ASAP1: variants seen among roughly 807,000 people sequenced by gnomAD.
ASAP1 encodes ArfGAP with SH3 domain, ankyrin repeat and PH domain 1, also known as arf-GAP with SH3 domain, ANK repeat and PH domain-containing protein 1.
In ASAP1, 43 loss-of-function variants were observed where a neutral mutation model predicts 145.2. The observed-to-expected ratio is 0.30, with a 90% CI of 0.23 to 0.38. The LOEUF (loss-of-function observed/expected upper bound fraction) is 0.38, where lower values mean the gene tolerates loss of function less well. ASAP1 is among the 10% of genes least tolerant of loss of function. The pLI is 1.00. For synonymous variants in ASAP1, 546 were observed against 515.5 expected (o/e 1.06, Z -0.80); for missense variants, 1,018 against 1,355.3 (o/e 0.75, Z 3.91).
chr8:130,069,706 C>T (rs1210591804), intron 27 of ASAP1: 1 of 152,220 alleles, frequency 6.6e-6, no homozygotes, highest in Non-Finnish European at 1.5e-5. Context: ...AACCCCTCCG[C>T]TCTCCCAACA....
At chr8:130,179,002 G>A (rs1170519028) in intron 9 of ASAP1, 2 of 309,284 alleles carry the variant, frequency 6.5e-6, no homozygotes, top group Non-Finnish European at 1.2e-5. Context: ...CTCCACAGGC[G>A]ATCAAATTTA....
rs745671254 is a variant in ASAP1, at chr8:130,168,980, T to G, written c.822+12A>C. 12 of 1,497,688 alleles carry G rather than the reference T, an allele frequency of 8.0e-6. No individual in the cohort carries two copies. The South Asian group carries it at 1.5e-4, about 19-fold the overall frequency. The allele number at this position is 1,497,688 out of a possible 1,614,324, so 92.8% of individuals were successfully genotyped here. On this transcript the variant is annotated intron_variant, in intron 10 of 29. Transcript: ENST00000518721. The stretch of plus-strand genomic sequence containing the variant: ...AGCAAGTTAAACTGCATGTATTTTA[T>G]AAAGAACTTACATTATATAAATCAG...
intron 9 of ASAP1, among the ~76,000 whole-genome samples, chr8:130,176,989 C>T (rs1448584486): frequency 1.3e-5 from 2 of 152,230 alleles, no homozygotes; most frequent in South Asian, 2.1e-4. Flanking sequence ...CGCGCCCAGC[C>T]GTCTCTCTTC....
At chr8:130,169,645 T>C (rs1320935174) in intron 9 of ASAP1, among the ~76,000 whole-genome samples, 2 of 152,214 alleles carry the variant, frequency 1.3e-5, no homozygotes, top group African/African-American at 2.4e-5. Flanking sequence ...GTTGCATGAC[T>C]TCACCTGAAA....
intron 11 of ASAP1, among the ~76,000 whole-genome samples, chr8:130,161,574 C>G (rs959191146): frequency 2.0e-5 from 3 of 152,164 alleles, no homozygotes; most frequent in Non-Finnish European, 4.4e-5. Context: ...GTGTAGGTAA[C>G]TGGGAGCTTA....
At chr8:130,393,693 T>C (rs561603645) in intron 2 of ASAP1, among the ~76,000 whole-genome samples, 3 of 152,218 alleles carry the variant, frequency 2.0e-5, no homozygotes, top group East Asian at 1.9e-4. Context: ...GAGGCAGAGA[T>C]TGCAGTGGGC....
chr8:130,176,737 C>A (rs1394048244), intron 9 of ASAP1, among the ~76,000 whole-genome samples: 1 of 150,690 alleles, frequency 6.6e-6, no homozygotes, highest in Admixed American at 6.6e-5. Context: ...GTTGTCCAGG[C>A]TGGAGTGCAA....
chr8:130,282,454 A>C lies in ASAP1; in HGVS notation c.187-45460T>G, dbSNP rs535249922. ...CAAATCAAAATATTTTTGAAATTTC[A>C]TCTGAAACTGCTTAAGGTTCACCAA... On this transcript the variant is annotated intron_variant, in intron 3 of 29. Coordinates refer to ENST00000518721, the MANE Select transcript of ASAP1 (RefSeq NM_018482.4). Among the ~76,000 whole-genome samples the C allele has an allele frequency of 8.5e-5, 13 of 152,360 alleles. No individual in the cohort carries two copies. The South Asian group carries it at 2.7e-3, about 32-fold the overall frequency.
At chr8:130,143,411 G>GGTT (rs372376151) in intron 13 of ASAP1, among the ~76,000 whole-genome samples, 7 of 142,092 alleles carry the variant, frequency 4.9e-5, no homozygotes, top group Admixed American at 4.2e-4. Flanking sequence ...TGAGATGTCT[G>GGTT]TTTTTTTTTT....
At chr8:130,087,461 A>G (rs1279973829) in intron 25 of ASAP1, among the ~76,000 whole-genome samples, 1 of 152,164 alleles carries the variant, frequency 6.6e-6, no homozygotes, top group African/African-American at 2.4e-5. Flanking sequence ...TGGAGGTTAC[A>G]GTGAGCTGGG....
At chr8:130,192,229 C>A (rs1202779408) in intron 5 of ASAP1, among the ~76,000 whole-genome samples, 3 of 151,170 alleles carry the variant, frequency 2.0e-5, no homozygotes, top group Non-Finnish European at 4.4e-5. Flanking sequence ...AAATAAAAAA[C>A]CAAAAAATCT....
At chr8:130,319,508 G>T (rs1380108810) in intron 3 of ASAP1, among the ~76,000 whole-genome samples, 1 of 152,150 alleles carries the variant, frequency 6.6e-6, no homozygotes, top group Non-Finnish European at 1.5e-5. Flanking sequence ...GAGTGGCACA[G>T]AACAGAGCAA....
intron 11 of ASAP1, among the ~76,000 whole-genome samples, chr8:130,162,702 C>CA (rs35046250): frequency 6.6e-6 from 1 of 151,798 alleles, no homozygotes; most frequent in African/African-American, 2.4e-5. Flanking sequence ...CCTGTACTCC[C>CA]AGCTACTCAG....
At position 130,292,331 on chromosome 8, in the gene ASAP1, C is replaced by G. The variant is rs140528166; in HGVS notation, c.187-55337G>C. The stretch of plus-strand genomic sequence containing the variant: ...CTGCGCATGTGGGTAATAAGATGTG[C>G]AGTTAAGATGGTGTGATCAGCTTTG... On this transcript the variant is annotated intron_variant, in intron 3 of 29. Coordinates refer to ENST00000518721, the MANE Select transcript of ASAP1 (RefSeq NM_018482.4). 4.6e-3 allele frequency among the ~76,000 whole-genome samples: 694 copies of G among 152,254 alleles called. 5 individuals carry two copies. The highest frequency in any genetic ancestry group is 0.016 in the African/African-American group (659 of 41,538).
intron 5 of ASAP1, among the ~76,000 whole-genome samples, chr8:130,194,919 GTA>G (rs1815377715): frequency 6.6e-6 from 1 of 152,142 alleles, no homozygotes; most frequent in Non-Finnish European, 1.5e-5. Flanking sequence ...AAACTGATGT[GTA>G]ACAGTCATCT....
At chr8:130,226,575 T>C (rs1026093200) in intron 4 of ASAP1, among the ~76,000 whole-genome samples, 2 of 152,232 alleles carry the variant, frequency 1.3e-5, no homozygotes, top group African/African-American at 4.8e-5. Context: ...TTTGGAGTTG[T>C]TCTTTCAAAG....
At chr8:130,443,144 C>A (rs1019485584) in intron 1 of ASAP1, among the ~76,000 whole-genome samples, 1 of 152,000 alleles carries the variant, frequency 6.6e-6, no homozygotes, top group Non-Finnish European at 1.5e-5. Flanking sequence ...GGACGCGAAA[C>A]CCCCCAGGGC....
rs561902008 is a variant in ASAP1, at chr8:130,345,040, A to G, written c.186+12977T>C. 1.9e-4 allele frequency among the ~76,000 whole-genome samples: 29 copies of G among 152,314 alleles called. No homozygotes were observed. In the Middle Eastern group the frequency reaches 0.014, roughly 71 times the overall value. ...GGCAGAACTGAACTCAAGCCTCATC[A>G]TGCTTTTTCAGTCAAATGACCTTTG... On this transcript the variant is annotated intron_variant, in intron 3 of 29. Transcript: ENST00000518721.
At chr8:130,425,996 C>T (rs1157262665) in intron 1 of ASAP1, among the ~76,000 whole-genome samples, 1 of 152,190 alleles carries the variant, frequency 6.6e-6, no homozygotes, top group African/African-American at 2.4e-5. Context: ...TTGCAGACAG[C>T]AAATACTGCT....
Sources: gnomAD v4.1 joint callset for allele counts (sites outside exome capture counted in the v4.1 genomes callset) on GRCh38, gnomAD v4.1.1 for gene constraint, MANE v1.5 for transcripts, NCBI Gene and HGNC (gene_info 2026-07-23, HGNC 2026-07-21) for gene names.